Variants in RIMS1 observed in about 807,000 individuals in gnomAD.
The protein encoded by RIMS1 is regulating synaptic membrane exocytosis protein 1.
A neutral mutation model predicts 214.1 loss-of-function variants in RIMS1; 83 were observed. The observed-to-expected ratio is 0.39, with a 90% CI of 0.32 to 0.47. RIMS1 has a LOEUF of 0.47. RIMS1 is among the 20% of genes least tolerant of loss of function. RIMS1 has a pLI of 0.99. For synonymous variants in RIMS1, 793 were observed against 786.8 expected, an observed-to-expected ratio of 1.01 and a Z score of -0.13; for missense variants, 2,050 against 2,161.8, an observed-to-expected ratio of 0.95 and a Z score of 1.03.
chr6:72,361,614 A>G (rs1395611062), intron 29 of RIMS1, among the ~76,000 whole-genome samples: 1 of 152,214 alleles, frequency 6.6e-6, no homozygotes, highest in Non-Finnish European at 1.5e-5. Flanking sequence ...ATTAATTAAG[A>G]GTAATTATAA....
At chr6:72,083,032 C>G (rs1044328746) in intron 2 of RIMS1, among the ~76,000 whole-genome samples, 1 of 151,996 alleles carries the variant, frequency 6.6e-6, no homozygotes, top group Non-Finnish European at 1.5e-5. Flanking sequence ...TGAAAGCTCC[C>G]CTCCCTTAGG....
intron 29 of RIMS1, among the ~76,000 whole-genome samples, chr6:72,351,972 G>T (rs1351604283): frequency 6.6e-6 from 1 of 152,152 alleles, no homozygotes; most frequent in African/African-American, 2.4e-5. Context: ...ACACAGAGAG[G>T]TATGTAACAT....
chr6:72,202,458 A>G (rs549713321), intron 6 of RIMS1, among the ~76,000 whole-genome samples: 29 of 152,318 alleles, frequency 1.9e-4, no homozygotes, highest in African/African-American at 6.3e-4. Flanking sequence ...TAAGGATACC[A>G]GTCATACTGG....
At chr6:71,984,510 T>G (rs1012308042) in intron 2 of RIMS1, among the ~76,000 whole-genome samples, 1 of 152,198 alleles carries the variant, frequency 6.6e-6, no homozygotes, top group Non-Finnish European at 1.5e-5. Flanking sequence ...TTACAAGCCC[T>G]CAACACGTTA....
chr6:71,920,479 A>G (rs1779653826), intron 1 of RIMS1, among the ~76,000 whole-genome samples: 1 of 152,270 alleles, frequency 6.6e-6, no homozygotes, highest in South Asian at 2.1e-4. Context: ...AATTTTTAAA[A>G]ATGACCAAAA....
intron 4 of RIMS1, among the ~76,000 whole-genome samples, chr6:72,146,917 G>A (rs2042839688): frequency 6.6e-6 from 1 of 152,164 alleles, no homozygotes; most frequent in Non-Finnish European, 1.5e-5. Context: ...TGTACTAGGT[G>A]TAGATACGGT....
In RIMS1 at chr6:72,295,985, T is replaced by G. The variant is rs781170803; in HGVS notation, c.3850+3939T>G. ...ACAAAAGGTAAATATTAACATAACT[T>G]TTTAACCATTTAATATTGTTACTTT... is the stretch of plus-strand genomic sequence containing the variant. On this transcript the variant is annotated intron_variant, in intron 26 of 33. Transcript: ENST00000521978. The G allele has an allele frequency of 8.1e-6, 3 of 372,342 alleles. No homozygotes were observed. The South Asian group carries it at 2.4e-4, about 29-fold the overall frequency. The allele number at this position is 372,342 out of a possible 1,614,324, so 23.1% of individuals were successfully genotyped here. A position where few individuals can be genotyped will look rare whatever the true frequency, so the allele number is the denominator to read the frequency against.
In RIMS1 at chr6:72,113,159, C is replaced by T. The variant is rs199501202; in HGVS notation, c.471+13173C>T. ...TATTAAAGGCTTTTTCTGCCCTCAC[C>T]CACTTCACCCCCAATCTATCCTTGC... On this transcript the variant is annotated intron_variant, in intron 4 of 33. Transcript: ENST00000521978. 4.6e-5 allele frequency among the ~76,000 whole-genome samples: 7 copies of T among 152,220 alleles called. No homozygotes were observed. The East Asian group carries it at 1.2e-3, about 25-fold the overall frequency.
chr6:72,239,533 T>C (rs1351072199), intron 9 of RIMS1, among the ~76,000 whole-genome samples: 1 of 152,206 alleles, frequency 6.6e-6, no homozygotes, highest in African/African-American at 2.4e-5. Flanking sequence ...TTTATGCAAA[T>C]AGAATTATTT....
chr6:72,216,044 A>G (rs1015944), intron 6 of RIMS1, among the ~76,000 whole-genome samples: 76,234 of 152,028 alleles, frequency 0.5, 21,096 homozygotes, highest in East Asian at 0.83. Context: ...TTTTTCAGCA[A>G]ATAATCCCTA....
intron 28 of RIMS1, chr6:72,316,730 T>TG: frequency 1.5e-6 from 1 of 655,356 alleles, no homozygotes. Flanking sequence ...CAGAGCAGCC[T>TG]GGGGGCCCTC....
chr6:72,390,883 TAAG>T, intron 30 of RIMS1, 147 bp downstream of exon 30: 2 of 848,854 alleles, frequency 2.4e-6, no homozygotes, highest in South Asian at 3.9e-5. Context: ...TGATGGCTTA[TAAG>T]TAAGTACACA....
intron 2 of RIMS1, among the ~76,000 whole-genome samples, chr6:72,008,457 A>C (rs1171442106): frequency 1.3e-5 from 2 of 152,250 alleles, no homozygotes; most frequent in Non-Finnish European, 2.9e-5. Flanking sequence ...TGACAGGATC[A>C]AATTCACACA....
intron 2 of RIMS1, among the ~76,000 whole-genome samples, chr6:72,045,878 G>GC (rs1822863098): frequency 6.9e-6 from 1 of 144,510 alleles, no homozygotes. Context: ...TTGGTGTTAA[G>GC]TTTTTTTTTT....
intron 6 of RIMS1, among the ~76,000 whole-genome samples, chr6:72,226,469 T>G (rs78517130): frequency 0.073 from 11,158 of 152,122 alleles, 477 homozygotes; most frequent in Non-Finnish European, 0.1. Flanking sequence ...TTATCTACGG[T>G]ATTTCATGTT....
intron 26 of RIMS1, among the ~76,000 whole-genome samples, chr6:72,302,730 C>G (rs530358773): frequency 5.9e-5 from 9 of 151,542 alleles, no homozygotes; most frequent in Non-Finnish European, 1.0e-4. Context: ...TCATAGTTAA[C>G]TAGACAGGCT....
intron 1 of RIMS1, among the ~76,000 whole-genome samples, chr6:71,897,891 G>A (rs7760432): frequency 0.4 from 60,081 of 151,648 alleles, 12,452 homozygotes; most frequent in East Asian, 0.61. Flanking sequence ...GGCTGCTAAC[G>A]GTATAAGTAG....
chr6:71,951,308 G>GT (rs780810653), intron 1 of RIMS1, among the ~76,000 whole-genome samples: 38 of 151,984 alleles, frequency 2.5e-4, no homozygotes, highest in African/African-American at 9.2e-4. Context: ...GTTTTGTTTT[G>GT]TTTTTTCTTG....
At chr6:72,059,543 T>C (rs1562225289) in intron 2 of RIMS1, among the ~76,000 whole-genome samples, 1 of 152,224 alleles carries the variant, frequency 6.6e-6, no homozygotes, top group South Asian at 2.1e-4. Flanking sequence ...ACCAGGTATT[T>C]TAAATACCTT....
Sources: gnomAD v4.1 joint callset for allele counts (sites outside exome capture counted in the v4.1 genomes callset) on GRCh38, gnomAD v4.1.1 for gene constraint, MANE v1.5 for transcripts, NCBI Gene and HGNC (gene_info 2026-07-23, HGNC 2026-07-21) for gene names.